The following GDPD4 variants were observed in gnomAD, a reference collection of about 807,000 sequenced individuals.
GDPD4 encodes glycerophosphodiester phosphodiesterase domain containing 4.
In GDPD4, 60 loss-of-function variants were observed where a neutral mutation model predicts 67.8. That is an observed-to-expected ratio of 0.88 (90% CI 0.72 to 1.10). The LOEUF is 1.10. Ranked by LOEUF, GDPD4 falls within the 50% of genes least tolerant of loss-of-function variation. GDPD4 has a pLI of 0.00. For missense variants in GDPD4, 623 were observed against 613.9 expected (o/e 1.01, Z -0.16); for synonymous variants, 212 against 210.9 (o/e 1.00, Z -0.04).
At chr11:77,281,955 G>A (rs1959773213) in intron 3 of GDPD4, among the ~76,000 whole-genome samples, 1 of 152,032 alleles carries the variant, frequency 6.6e-6, no homozygotes. Context: ...AAGATCAGAG[G>A]TGCATGATAA....
Position 77,216,991 on chromosome 11 carries a change from G to T in GDPD4, c.*286C>A, listed in dbSNP as rs1958132765. 1 of 702,974 alleles carries T rather than the reference G, an allele frequency of 1.4e-6. No homozygotes were observed. Among genetic ancestry groups the T allele is most frequent in the African/African-American group, 1.7e-5 (1 of 57,240 alleles). The allele number at this position is 702,974 out of a possible 1,614,324, so 43.5% of individuals were successfully genotyped here. ...TGGTTGGCTTATCCACCTTCAGGGT[G>T]GGCAATGTAGTTTGAAAGGTAGCCT... On this transcript the variant is annotated 3_prime_UTR_variant, in exon 17 of 17. Transcript: ENST00000315938.
chr11:77,280,188 C>T (rs1009591043), intron 3 of GDPD4, among the ~76,000 whole-genome samples: 3 of 151,870 alleles, frequency 2.0e-5, no homozygotes, highest in Non-Finnish European at 4.4e-5. Context: ...AGCTCACAAT[C>T]AGGAATCAGA....
chr11:77,252,071 T>TTTTTTTTTGTTTTG (rs1565523380), intron 11 of GDPD4, among the ~76,000 whole-genome samples: 20 of 141,080 alleles, frequency 1.4e-4, no homozygotes, highest in African/African-American at 2.6e-4. Context: ...TTTTGTTTTT[T>TTTTTTTTTGTTTTG]TTTTTTTTTT....
intron 16 of GDPD4, among the ~76,000 whole-genome samples, chr11:77,225,257 T>C (rs986329088): frequency 6.7e-6 from 1 of 149,438 alleles, no homozygotes; most frequent in Admixed American, 6.7e-5. Flanking sequence ...GCTGAGATCA[T>C]GCCACTGCAC....
chr11:77,243,721 T>C lies in GDPD4; in HGVS notation c.1214A>G (p.Tyr405Cys), dbSNP rs769582672. 3.7e-5 allele frequency: 59 copies of C among 1,611,802 alleles called. No homozygotes were observed. Among genetic ancestry groups the C allele is most frequent in the Admixed American group, 2.0e-4 (12 of 59,872 alleles). The change falls in exon 13 of 17, where the codon TAC becomes TGC. Residue 405 changes from tyrosine to cysteine, a missense_variant. Physicochemically the swap from Tyr to Cys is radical, Grantham distance 194 (BLOSUM62 -2). Transcript: ENST00000315938. ...TAACCCATTAGGGAACAACTTCTTG[T>C]AGTCAACATTTATTATACTGATATT... ...KNNISIINVD[Y>C]KKLFPNGLRD...
chr11:77,227,758 T>C (rs938434927), intron 16 of GDPD4, 106 bp downstream of exon 16: 6 of 767,262 alleles, frequency 7.8e-6, no homozygotes, highest in Admixed American at 7.5e-5. Flanking sequence ...CCCCCAACTT[T>C]CCAGACACCC....
intron 1 of GDPD4, among the ~76,000 whole-genome samples, chr11:77,296,112 A>G (rs1466518028): frequency 6.6e-6 from 1 of 151,240 alleles, no homozygotes; most frequent in African/African-American, 2.4e-5. Flanking sequence ...TTAGCCAGGC[A>G]TGGTGGCGGG....
chr11:77,295,967 C>A (rs1360621484), intron 1 of GDPD4, among the ~76,000 whole-genome samples: 1 of 151,802 alleles, frequency 6.6e-6, no homozygotes, highest in Non-Finnish European at 1.5e-5. Flanking sequence ...TTAGAAATTT[C>A]TTGGCCAGGC....
At chr11:77,231,054 TA>T (rs1358497795) in intron 14 of GDPD4, among the ~76,000 whole-genome samples, 1 of 152,128 alleles carries the variant, frequency 6.6e-6, no homozygotes, top group African/African-American at 2.4e-5. Flanking sequence ...CAAGGCATCC[TA>T]GACTATCCAG....
intron 1 of GDPD4, among the ~76,000 whole-genome samples, chr11:77,296,914 C>T (rs1177808685): frequency 6.6e-6 from 1 of 151,260 alleles, no homozygotes; most frequent in Non-Finnish European, 1.5e-5. Context: ...ATTAGCCAGG[C>T]ATGGTGGTGT....
chr11:77,301,390 A>G (rs1565553193), intron 1 of GDPD4, among the ~76,000 whole-genome samples: 1 of 152,094 alleles, frequency 6.6e-6, no homozygotes, highest in African/African-American at 2.4e-5. Flanking sequence ...GCCATTAACA[A>G]CTAGAAAACT....
intron 11 of GDPD4, among the ~76,000 whole-genome samples, chr11:77,255,794 G>A (rs1403267891): frequency 6.6e-6 from 1 of 151,054 alleles, no homozygotes; most frequent in Non-Finnish European, 1.5e-5. Context: ...TGGAACCCGG[G>A]AGGCAGAGGT....
intron 1 of GDPD4, among the ~76,000 whole-genome samples, chr11:77,300,413 A>G (rs1194704658): frequency 6.6e-6 from 1 of 152,134 alleles, no homozygotes; most frequent in East Asian, 1.9e-4. Context: ...TAAAAAGAAA[A>G]TTTTATATTT....
At chr11:77,295,443 G>A (rs1361675051) in intron 1 of GDPD4, among the ~76,000 whole-genome samples, 1 of 151,742 alleles carries the variant, frequency 6.6e-6, no homozygotes, top group African/African-American at 2.4e-5. Flanking sequence ...ACCAGCCTGG[G>A]CAACATAGTG....
At chr11:77,252,269 G>C (rs61901765) in intron 11 of GDPD4, among the ~76,000 whole-genome samples, 2 of 151,936 alleles carry the variant, frequency 1.3e-5, no homozygotes, top group African/African-American at 2.4e-5. Context: ...TCAGTATATT[G>C]GTCAGGCTGG....
intron 16 of GDPD4, among the ~76,000 whole-genome samples, chr11:77,226,741 T>A (rs750033517): frequency 6.6e-6 from 1 of 152,200 alleles, no homozygotes; most frequent in Non-Finnish European, 1.5e-5. Flanking sequence ...TTAAATTCCA[T>A]GTAATTTGTA....
chr11:77,248,607 G>A (rs1405960303), intron 11 of GDPD4, among the ~76,000 whole-genome samples: 1 of 152,278 alleles, frequency 6.6e-6, no homozygotes. Context: ...AGTAGTGGGA[G>A]TATCTAACAA....
intron 1 of GDPD4, among the ~76,000 whole-genome samples, chr11:77,297,452 C>T (rs959402832): frequency 2.7e-5 from 4 of 150,438 alleles, no homozygotes; most frequent in Middle Eastern, 3.4e-3. Flanking sequence ...AGGAGAATGG[C>T]GTGAACCCGG....
At chr11:77,222,885 G>A (rs1435901805) in intron 16 of GDPD4, among the ~76,000 whole-genome samples, 3 of 152,032 alleles carry the variant, frequency 2.0e-5, no homozygotes, top group Non-Finnish European at 4.4e-5. Flanking sequence ...ATGTAGATTT[G>A]GTCTTTTCAC....
Sources: allele counts gnomAD v4.1 joint callset (sites outside exome capture counted in the v4.1 genomes callset), GRCh38; gene constraint gnomAD v4.1.1; transcripts MANE v1.5; gene names NCBI Gene and HGNC (gene_info 2026-07-23, HGNC 2026-07-21).